Variants in SMYD4 observed in about 807,000 individuals in gnomAD.
SMYD4 encodes the protein protein-lysine N-methyltransferase SMYD4.
A neutral mutation model predicts 72.8 loss-of-function variants in SMYD4; 68 were observed. That is an observed-to-expected ratio of 0.93 (90% CI 0.77 to 1.14). SMYD4 has a LOEUF of 1.14. Ranked by LOEUF, SMYD4 falls within the 50% of genes most tolerant of loss-of-function variation. The pLI is 0.00. For synonymous variants in SMYD4, 407 were observed against 388.6 expected (o/e 1.05, Z -0.56); for missense variants, 984 against 1,003.7 (o/e 0.98, Z 0.27).
chr17:1,823,616 G>A (rs1911007286), intron 2 of SMYD4, among the ~76,000 whole-genome samples: 1 of 152,030 alleles, frequency 6.6e-6, no homozygotes, highest in Non-Finnish European at 1.5e-5. Context: ...ATCTCAGTGG[G>A]GAATCCATTT....
At chr17:1,789,700 G>A (rs1372318266) in intron 5 of SMYD4, among the ~76,000 whole-genome samples, 6 of 141,700 alleles carry the variant, frequency 4.2e-5, no homozygotes, top group East Asian at 2.1e-4. Context: ...GGGAGGTGGA[G>A]GTTGCAGTGA....
At chr17:1,785,506 G>T (rs113550034) in intron 7 of SMYD4, among the ~76,000 whole-genome samples, 1 of 150,614 alleles carries the variant, frequency 6.6e-6, no homozygotes, top group Non-Finnish European at 1.5e-5. Flanking sequence ...TAATCCCAGC[G>T]CTTTGGGTGG....
At chr17:1,797,294 A>AT (rs1279259871) in intron 5 of SMYD4, among the ~76,000 whole-genome samples, 4 of 152,244 alleles carry the variant, frequency 2.6e-5, no homozygotes, top group Non-Finnish European at 5.9e-5. Flanking sequence ...AATTGAAAAA[A>AT]TTAAGAAAAG....
At chr17:1,818,427 G>A (rs1263146612) in intron 2 of SMYD4, among the ~76,000 whole-genome samples, 1 of 151,996 alleles carries the variant, frequency 6.6e-6, no homozygotes, top group Admixed American at 6.6e-5. Context: ...CTAAATATTC[G>A]CAGGCCTCTG....
intron 2 of SMYD4, among the ~76,000 whole-genome samples, chr17:1,818,369 T>C (rs1309443201): frequency 2.0e-5 from 3 of 152,176 alleles, no homozygotes; most frequent in Non-Finnish European, 4.4e-5. Context: ...GCATCATTTT[T>C]TCTCTAAGCC....
intron 2 of SMYD4, among the ~76,000 whole-genome samples, chr17:1,817,931 C>T (rs1210617423): frequency 6.6e-6 from 1 of 151,232 alleles, no homozygotes; most frequent in East Asian, 1.9e-4. Flanking sequence ...CCTGTAGTCC[C>T]AGCTACTCGG....
At chr17:1,786,036 T>C (rs1908671864) in intron 7 of SMYD4, among the ~76,000 whole-genome samples, 1 of 152,238 alleles carries the variant, frequency 6.6e-6, no homozygotes, top group Non-Finnish European at 1.5e-5. Context: ...CTCAGTCCCA[T>C]GGCCCTTGCC....
At chr17:1,808,574 A>C (rs1910164866) in intron 3 of SMYD4, among the ~76,000 whole-genome samples, 1 of 152,202 alleles carries the variant, frequency 6.6e-6, no homozygotes. Context: ...AATATTTTTA[A>C]AAAGAAAGAA....
chr17:1,809,676 A>G (rs564137378), intron 3 of SMYD4, among the ~76,000 whole-genome samples: 21 of 112,018 alleles, frequency 1.9e-4, no homozygotes, highest in Non-Finnish European at 3.9e-4. Flanking sequence ...CGCCCGGCCT[A>G]TTATTATTGT....
chr17:1,800,397 T>A lies in SMYD4; in HGVS notation c.997A>T (p.Thr333Ser). Residue 333 changes from threonine to serine, a missense_variant, in exon 5 of 11, where the codon ACA (threonine) becomes TCA (serine). Coordinates refer to ENST00000305513, the MANE Select transcript of SMYD4 (RefSeq NM_052928.3). Reference sequence around the variant, plus strand: ...AGCAGCCCTCCCAGAGGACATTCTGTCCTGTGGTAGAGCTCCCAGGCCTGC... The same window carrying A: ...AGCAGCCCTCCCAGAGGACATTCTGACCTGTGGTAGAGCTCCCAGGCCTGC... ...LQQAWELYHR[T>S]ECPLGGLLLT... 6.2e-7 allele frequency: 1 copy of A among 1,614,160 alleles called. No individual in the cohort carries two copies. Among genetic ancestry groups the A allele is most frequent in the Non-Finnish European group, 8.5e-7 (1 of 1,180,034 alleles).
intron 3 of SMYD4, among the ~76,000 whole-genome samples, chr17:1,806,893 G>GT (rs976354296): frequency 6.6e-6 from 1 of 151,788 alleles, no homozygotes; most frequent in South Asian, 2.1e-4. Context: ...ACATACAAGG[G>GT]TTTTTTTCTT....
intron 2 of SMYD4, among the ~76,000 whole-genome samples, chr17:1,823,490 C>G (rs908706432): frequency 6.6e-6 from 1 of 150,878 alleles, no homozygotes; most frequent in Non-Finnish European, 1.5e-5. Flanking sequence ...TTCTGGAATA[C>G]GAACAATGAC....
intron 2 of SMYD4, among the ~76,000 whole-genome samples, chr17:1,818,101 T>C (rs532491767): frequency 3.2e-4 from 48 of 151,932 alleles, no homozygotes; most frequent in African/African-American, 1.1e-3. Context: ...TTTAGGTCTC[T>C]GATCCATTTT....
intron 2 of SMYD4, among the ~76,000 whole-genome samples, chr17:1,823,523 T>TGGCTTCTGGGCCACTTCCTGGGAGCC (rs1318454878): frequency 6.6e-6 from 1 of 151,968 alleles, no homozygotes; most frequent in African/African-American, 2.4e-5. Flanking sequence ...AGCAGGAAGC[T>TGGCTTCTGGGCCACTTCCTGGGAGCC]GGCCTCTGGG....
intron 2 of SMYD4, among the ~76,000 whole-genome samples, chr17:1,817,889 T>C (rs1490158976): frequency 6.6e-6 from 1 of 151,610 alleles, no homozygotes; most frequent in Non-Finnish European, 1.5e-5. Context: ...CTACTAAAAA[T>C]ACAAAAAATT....
In SMYD4 at chr17:1,786,977, G is replaced by T. The variant is rs1908727543; in HGVS notation, c.1721-4C>A. ...CCCATCCGGCTCTTGTGAGGCCCTG[G>T]AGGGAGATCACCGTCAGCCAATATT... On this transcript the variant is annotated splice_polypyrimidine_tract_variant and splice_region_variant and intron_variant, in intron 6 of 10. Transcript: ENST00000305513. 6.2e-7 allele frequency: 1 copy of T among 1,611,182 alleles called. No individual in the cohort carries two copies. The highest frequency in any genetic ancestry group is 1.1e-5 in the South Asian group (1 of 90,930).
At chr17:1,804,821 A>C (rs1397818701) in intron 3 of SMYD4, 106 bp from the exon 4 acceptor site, 1 of 1,081,074 alleles carries the variant, frequency 9.3e-7, no homozygotes, top group Admixed American at 2.0e-5. Flanking sequence ...TGAAACTGGG[A>C]AAGTTACTGA....
At chr17:1,809,618 AC>A (rs1251365985) in intron 3 of SMYD4, among the ~76,000 whole-genome samples, 1 of 148,580 alleles carries the variant, frequency 6.7e-6, no homozygotes, top group East Asian at 2.0e-4. Flanking sequence ...CTTGTGATCC[AC>A]CCGCCTCGGC....
chr17:1,805,924 ATTC>A (rs1910007782), intron 3 of SMYD4, among the ~76,000 whole-genome samples: 2 of 147,226 alleles, frequency 1.4e-5, no homozygotes, highest in Non-Finnish European at 1.5e-5. Flanking sequence ...AATACATCAA[ATTC>A]TTTTTTTTTT....
Sources: allele counts gnomAD v4.1 joint callset (sites outside exome capture counted in the v4.1 genomes callset), GRCh38; gene constraint gnomAD v4.1.1; transcripts MANE v1.5; gene names NCBI Gene and HGNC (gene_info 2026-07-23, HGNC 2026-07-21).